The following B3GALT1 variants were observed in gnomAD, a reference collection of about 807,000 sequenced individuals.
The protein encoded by B3GALT1 is beta-1,3-galactosyltransferase 1.
B3GALT1 carries 10 observed loss-of-function variants against 23.2 expected under a neutral mutation model. The observed-to-expected ratio is 0.43, with a 90% CI of 0.27 to 0.73. The LOEUF is 0.73. Among genes scored for constraint, B3GALT1 ranks in the 30% least tolerant of loss-of-function variants. B3GALT1 has a pLI of 0.21. For missense variants in B3GALT1, 299 were observed against 405.4 expected, an observed-to-expected ratio of 0.74 and a Z score of 2.25; for synonymous variants, 156 against 141.5, an observed-to-expected ratio of 1.10 and a Z score of -0.73.
At chr2:167,611,767 C>T (rs1199743312) in intron 2 of B3GALT1, among the ~76,000 whole-genome samples, 4 of 151,690 alleles carry the variant, frequency 2.6e-5, no homozygotes, top group East Asian at 1.9e-4. Context: ...TCCGTTGATA[C>T]GATGGTAAAA....
chr2:167,685,073 T>C (rs1686596308), intron 3 of B3GALT1, among the ~76,000 whole-genome samples: 1 of 152,224 alleles, frequency 6.6e-6, no homozygotes, highest in African/African-American at 2.4e-5. Flanking sequence ...AGTCTAAGGA[T>C]ATAACAAGAT....
At chr2:167,785,375 A>G (rs1484261582) in intron 3 of B3GALT1, among the ~76,000 whole-genome samples, 1 of 152,108 alleles carries the variant, frequency 6.6e-6, no homozygotes, top group Non-Finnish European at 1.5e-5. Flanking sequence ...GCTTTTATGC[A>G]CTGGCCTATC....
intron 2 of B3GALT1, among the ~76,000 whole-genome samples, chr2:167,645,082 A>G (rs1685723240): frequency 1.3e-5 from 2 of 152,182 alleles, no homozygotes; most frequent in South Asian, 4.1e-4. Flanking sequence ...TATCTTCACC[A>G]TAATCCACCC....
At chr2:167,368,506 A>G (rs1574051416) in intron 1 of B3GALT1, among the ~76,000 whole-genome samples, 1 of 152,186 alleles carries the variant, frequency 6.6e-6, no homozygotes, top group Admixed American at 6.5e-5. Flanking sequence ...AAAGACTGCT[A>G]TGATCACTTC....
chr2:167,835,135 C>A (rs1265675921), intron 4 of B3GALT1, among the ~76,000 whole-genome samples: 1 of 152,166 alleles, frequency 6.6e-6, no homozygotes, highest in African/African-American at 2.4e-5. Flanking sequence ...GCATTTCCAT[C>A]TGAGGTACCG....
intron 3 of B3GALT1, among the ~76,000 whole-genome samples, chr2:167,677,970 A>G (rs1686456150): frequency 6.6e-6 from 1 of 152,202 alleles, no homozygotes; most frequent in African/African-American, 2.4e-5. Flanking sequence ...GCATGAGGGA[A>G]CCAACCCCAT....
In B3GALT1 at chr2:167,817,411, A is replaced by G. The variant is rs73021228; in HGVS notation, c.-351-1261A>G. ...CTAAGCACTTTCTATGTATTCATTT[A>G]TTTGAACCTCATGACAACTCTAGGA... On this transcript the variant is annotated intron_variant, in intron 3 of 4. Transcript: ENST00000392690. 4.9e-3 allele frequency among the ~76,000 whole-genome samples: 739 copies of G among 152,296 alleles called. 8 individuals carry two copies. Among genetic ancestry groups the G allele is most frequent in the African/African-American group, 0.017 (686 of 41,562 alleles).
At chr2:167,319,893 G>A (rs1696781463) in intron 1 of B3GALT1, among the ~76,000 whole-genome samples, 1 of 152,004 alleles carries the variant, frequency 6.6e-6, no homozygotes, top group African/African-American at 2.4e-5. Flanking sequence ...ATATTCAGGC[G>A]AGAACACAGG....
At chr2:167,633,389 G>A (rs950238889) in intron 2 of B3GALT1, among the ~76,000 whole-genome samples, 1 of 151,642 alleles carries the variant, frequency 6.6e-6, no homozygotes, top group African/African-American at 2.4e-5. Context: ...AAAGAGTCAA[G>A]ACCTTTGAAT....
chr2:167,501,718 CAAAAAAAAAA>C (rs35445623), intron 2 of B3GALT1, among the ~76,000 whole-genome samples: 5 of 65,388 alleles, frequency 7.6e-5, no homozygotes, highest in South Asian at 5.9e-4. Flanking sequence ...TCTACAGTGG[CAAAAAAAAAA>C]AAAAAAAAAA....
At chr2:167,710,701 A>G (rs1687034222) in intron 3 of B3GALT1, among the ~76,000 whole-genome samples, 1 of 152,140 alleles carries the variant, frequency 6.6e-6, no homozygotes, top group Non-Finnish European at 1.5e-5. Flanking sequence ...AGCTGGGAAT[A>G]TTTTTGCTGA....
At chr2:167,430,122 C>T (rs1435135871) in intron 1 of B3GALT1, among the ~76,000 whole-genome samples, 1 of 152,120 alleles carries the variant, frequency 6.6e-6, no homozygotes. Flanking sequence ...TCAGTGGTCT[C>T]AGTTTTAAGT....
At chr2:167,697,536 A>G (rs1201950965) in intron 3 of B3GALT1, among the ~76,000 whole-genome samples, 1 of 152,184 alleles carries the variant, frequency 6.6e-6, no homozygotes, top group African/African-American at 2.4e-5. Flanking sequence ...TATCACTTAC[A>G]AGGAGTTTGT....
intron 2 of B3GALT1, among the ~76,000 whole-genome samples, chr2:167,628,428 G>C (rs1685383602): frequency 6.6e-6 from 1 of 151,566 alleles, no homozygotes; most frequent in South Asian, 2.1e-4. Context: ...AACTCAGATT[G>C]TATATCTAAC....
chr2:167,468,205 A>G (rs1232773705), intron 1 of B3GALT1, among the ~76,000 whole-genome samples: 2 of 152,204 alleles, frequency 1.3e-5, no homozygotes, highest in Non-Finnish European at 2.9e-5. Flanking sequence ...ACTCAGGTCT[A>G]TGATAAACAA....
At chr2:167,824,014 A>AG (rs1689162462) in intron 4 of B3GALT1, among the ~76,000 whole-genome samples, 1 of 152,262 alleles carries the variant, frequency 6.6e-6, no homozygotes. Flanking sequence ...AGGCTGAGGA[A>AG]GGGGTGTGTG....
At chr2:167,739,719 C>CAATA (rs890842064) in intron 3 of B3GALT1, among the ~76,000 whole-genome samples, 1 of 151,932 alleles carries the variant, frequency 6.6e-6, no homozygotes, top group Admixed American at 6.6e-5. Flanking sequence ...CATAGAAGTT[C>CAATA]AATAAATATT....
chr2:167,864,409 A>T (rs76499249), intron 4 of B3GALT1, among the ~76,000 whole-genome samples: 45 of 152,226 alleles, frequency 3.0e-4, no homozygotes, highest in East Asian at 1.9e-3. Context: ...AGAAATTTTT[A>T]AAAAATTAGC....
At chr2:167,692,499 T>G (rs1008134593) in intron 3 of B3GALT1, among the ~76,000 whole-genome samples, 1 of 152,140 alleles carries the variant, frequency 6.6e-6, no homozygotes. Flanking sequence ...AAAAAGAGCA[T>G]GCATACTCAT....
Sources: allele counts gnomAD v4.1 joint callset (sites outside exome capture counted in the v4.1 genomes callset), GRCh38; gene constraint gnomAD v4.1.1; transcripts MANE v1.5; gene names NCBI Gene and HGNC (gene_info 2026-07-23, HGNC 2026-07-21).